The following SEH1L variants were observed in gnomAD, a reference collection of about 807,000 sequenced individuals.
SEH1L encodes SEH1 like nucleoporin, also known as nucleoporin SEH1.
Under a neutral mutation model 49.5 loss-of-function variants are expected in SEH1L, and 18 were observed. The observed-to-expected ratio is 0.36, with a 90% CI of 0.25 to 0.54. The LOEUF is 0.54. SEH1L is among the 20% of genes least tolerant of loss of function. SEH1L has a pLI of 0.87. For synonymous variants in SEH1L, 169 were observed against 178.1 expected, an observed-to-expected ratio of 0.95 and a Z score of 0.41; for missense variants, 404 against 528.8, an observed-to-expected ratio of 0.76 and a Z score of 2.31.
chr18:12,957,604 A>C (rs564980371), intron 3 of SEH1L, among the ~76,000 whole-genome samples: 3 of 152,354 alleles, frequency 2.0e-5, no homozygotes, highest in African/African-American at 7.2e-5. Context: ...CAGCATTTTC[A>C]TATGAAGGTA....
rs751701839 is a variant in SEH1L, at chr18:12,955,455, T to C, written c.163-8T>C. On this transcript the variant is annotated splice_region_variant and splice_polypyrimidine_tract_variant and intron_variant, in intron 2 of 8. Transcript: ENST00000399892. ...CTGTTCTTTTCTTTTTTTTTTTTGA[T>C]TCCCCAGACACATAGTGGATCTGTA... 2 of 1,589,078 alleles carry C rather than the reference T, an allele frequency of 1.3e-6. No homozygotes were observed. Among genetic ancestry groups the C allele is most frequent in the Admixed American group, 3.7e-5 (2 of 53,664 alleles).
intron 4 of SEH1L, among the ~76,000 whole-genome samples, chr18:12,965,669 T>C (rs2031418574): frequency 6.6e-6 from 1 of 152,260 alleles, no homozygotes; most frequent in Non-Finnish European, 1.5e-5. Context: ...CTGGTTCTTT[T>C]GTAGGTAGCT....
intron 6 of SEH1L, among the ~76,000 whole-genome samples, chr18:12,980,352 C>T (rs1467453762): frequency 1.7e-3 from 159 of 95,484 alleles, no homozygotes; most frequent in Middle Eastern, 0.019. Flanking sequence ...CCGGACAGGG[C>T]GGCTGGCAGG....
At chr18:12,952,401 T>A (rs1428286642) in intron 2 of SEH1L, among the ~76,000 whole-genome samples, 2 of 152,086 alleles carry the variant, frequency 1.3e-5, no homozygotes, top group Non-Finnish European at 2.9e-5. Flanking sequence ...CCCGGCTAAT[T>A]TTTGTGTTTT....
intron 5 of SEH1L, chr18:12,975,735 A>T: frequency 5.1e-6 from 5 of 986,960 alleles, no homozygotes; most frequent in Non-Finnish European, 6.0e-6. Flanking sequence ...CCTTTTAGGG[A>T]GATGACTTTG....
intron 5 of SEH1L, chr18:12,975,828 G>A (rs951210345): frequency 1.3e-5 from 13 of 985,794 alleles, no homozygotes; most frequent in Admixed American, 1.2e-4. Context: ...GCACTGTGGC[G>A]TGGGATGAAG....
chr18:12,981,736 CTAAAT>C (rs1369443938), intron 6 of SEH1L, among the ~76,000 whole-genome samples: 1 of 151,166 alleles, frequency 6.6e-6, no homozygotes, highest in African/African-American at 2.4e-5. Context: ...TTAGGGAAAA[CTAAAT>C]TAGTATTGAG....
chr18:12,948,384 TCC>T, intron 1 of SEH1L, 152 bp downstream of exon 1: 1 of 554,442 alleles, frequency 1.8e-6, no homozygotes, highest in South Asian at 2.3e-5. Flanking sequence ...GCGGAAGCCC[TCC>T]CCGCCCGCGT....
Position 12,963,144 on chromosome 18 carries a change from A to G in SEH1L, c.310-16A>G, listed in dbSNP as rs773532745. Reference sequence around the variant, plus strand: ...CTTTTTGTATATAATTTAAATTGTTATTATTTTTTTTTTAGGTTAAAAGGA... The same window carrying G: ...CTTTTTGTATATAATTTAAATTGTTGTTATTTTTTTTTTAGGTTAAAAGGA... On this transcript the variant is annotated splice_polypyrimidine_tract_variant and intron_variant, in intron 3 of 8. Coordinates refer to ENST00000399892, the MANE Select transcript of SEH1L (RefSeq NM_001013437.2). 5.8e-6 allele frequency: 9 copies of G among 1,545,630 alleles called. No individual in the cohort carries two copies. Among genetic ancestry groups the G allele is most frequent in the Admixed American group, 1.8e-5 (1 of 55,614 alleles).
At chr18:12,983,032 TC>T (rs1252941081) in intron 7 of SEH1L, 2 of 155,930 alleles carry the variant, frequency 1.3e-5, no homozygotes, top group East Asian at 3.8e-4. Context: ...CTTTAGACAA[TC>T]CATCCTTAAT....
chr18:12,958,170 G>A lies in SEH1L; in HGVS notation c.309+2561G>A, dbSNP rs191008062. On this transcript the variant is annotated intron_variant, in intron 3 of 8. Transcript: ENST00000399892. The stretch of plus-strand genomic sequence containing the variant: ...GGGATCTCGGCTTACTGCATTCTCC[G>A]CCTCCGGGGTTCAAGCGATTTTCCT... 2.9e-3 allele frequency among the ~76,000 whole-genome samples: 374 copies of A among 127,648 alleles called. 1 individual carries two copies. Among genetic ancestry groups the A allele is most frequent in the Middle Eastern group, 5.7e-3 (1 of 174 alleles). The allele number at this position is 127,648 out of a possible 152,430, so 83.7% of individuals were successfully genotyped here. A position where few individuals can be genotyped will look rare whatever the true frequency, so the allele number is the denominator to read the frequency against.
chr18:12,979,035 G>T, intron 6 of SEH1L, 143 bp downstream of exon 6: 18 of 748,142 alleles, frequency 2.4e-5, no homozygotes, highest in East Asian at 1.1e-4. Flanking sequence ...ACTTTGAAAT[G>T]TTTTTTAAAA....
chr18:12,953,317 C>T (rs1028386777), intron 2 of SEH1L, among the ~76,000 whole-genome samples: 2 of 152,094 alleles, frequency 1.3e-5, no homozygotes, highest in African/African-American at 2.4e-5. Flanking sequence ...ATGTTAAGAA[C>T]GTGCCATGTA....
intron 6 of SEH1L, among the ~76,000 whole-genome samples, chr18:12,979,730 G>C: frequency 6.8e-6 from 1 of 146,664 alleles, no homozygotes; most frequent in Non-Finnish European, 1.5e-5. Flanking sequence ...GGACGGGGCG[G>C]CTGGCCGGGC....
chr18:12,954,341 G>A (rs57012663), intron 2 of SEH1L, among the ~76,000 whole-genome samples: 9,794 of 152,274 alleles, frequency 0.064, 423 homozygotes, highest in East Asian at 0.15. Flanking sequence ...CAGGAGGGGT[G>A]TAAGGATTTG....
intron 6 of SEH1L, among the ~76,000 whole-genome samples, chr18:12,979,405 G>C (rs1212057151): frequency 6.7e-6 from 1 of 148,878 alleles, no homozygotes; most frequent in African/African-American, 2.5e-5. Context: ...AGATCAACAG[G>C]ATCCCAAGGC....
chr18:12,981,117 C>T (rs1414469225), intron 6 of SEH1L, among the ~76,000 whole-genome samples: 1 of 151,896 alleles, frequency 6.6e-6, no homozygotes, highest in East Asian at 2.0e-4. Flanking sequence ...GGCGGCCGGG[C>T]AGAGATGCTC....
chr18:12,980,458 C>T (rs867282496), intron 6 of SEH1L, among the ~76,000 whole-genome samples: 1 of 52,196 alleles, frequency 1.9e-5, no homozygotes, highest in Non-Finnish European at 3.4e-5. Context: ...GGCGGCTGGC[C>T]GGGCGGGGGG....
intron 1 of SEH1L, among the ~76,000 whole-genome samples, chr18:12,949,126 C>G (rs2030330416): frequency 6.6e-6 from 1 of 151,906 alleles, no homozygotes; most frequent in African/African-American, 2.4e-5. Flanking sequence ...CTCGGCCTCC[C>G]AAAGTGCTGG....
Sources: allele counts gnomAD v4.1 joint callset (sites outside exome capture counted in the v4.1 genomes callset), GRCh38; gene constraint gnomAD v4.1.1; transcripts MANE v1.5; gene names NCBI Gene and HGNC (gene_info 2026-07-23, HGNC 2026-07-21).